TTC39C: variants seen among roughly 807,000 people sequenced by gnomAD.
The protein encoded by TTC39C is tetratricopeptide repeat domain 39C.
In TTC39C, 33 loss-of-function variants were observed where a neutral mutation model predicts 76.3. That is an observed-to-expected ratio of 0.43 (90% CI 0.33 to 0.58). TTC39C has a LOEUF of 0.58. Ranked by LOEUF, TTC39C falls within the 20% of genes least tolerant of loss-of-function variation. TTC39C has a pLI of 0.04. For synonymous variants in TTC39C, 254 were observed against 260.6 expected (o/e 0.97, Z 0.24); for missense variants, 595 against 701.4 (o/e 0.85, Z 1.71).
chr18:24,116,105 T>C (rs1685252), intron 7 of TTC39C, among the ~76,000 whole-genome samples: 1 of 152,220 alleles, frequency 6.6e-6, no homozygotes, highest in African/African-American at 2.4e-5. Context: ...TCCTGACTTA[T>C]TCCTGAGTTA....
chr18:24,001,499 CT>C (rs1220332683), intron 1 of TTC39C: 6 of 152,258 alleles, frequency 3.9e-5, no homozygotes, highest in African/African-American at 1.4e-4. Context: ...TGTCTTCCCC[CT>C]TGAGTCTTTG....
rs2085160501 is a variant in TTC39C, at chr18:24,133,446, GACAA to G, written c.*876_*879del. ...ATCTATTAGCCTAGTCTATAGATTA[GACAA>G]ACAGTATCTACATTTTAGGAGTTTA... On this transcript the variant is annotated 3_prime_UTR_variant, in exon 14 of 14. Transcript: ENST00000317571. 6.6e-6 allele frequency: 1 copy of G among 152,206 alleles called. No homozygotes were observed. Among genetic ancestry groups the G allele is most frequent in the South Asian group, 2.1e-4 (1 of 4,830 alleles). The allele number at this position is 152,206 out of a possible 1,614,324, so 9.4% of individuals were successfully genotyped here. A position where few individuals can be genotyped will look rare whatever the true frequency, so the allele number is the denominator to read the frequency against.
chr18:24,088,841 T>C (rs2145772453), intron 6 of TTC39C, among the ~76,000 whole-genome samples: 1 of 152,356 alleles, frequency 6.6e-6, no homozygotes, highest in South Asian at 2.1e-4. Flanking sequence ...CGAAGCTCTG[T>C]GTGAAAGACT....
chr18:24,081,420 G>A (rs920900229), intron 5 of TTC39C, among the ~76,000 whole-genome samples: 9 of 152,056 alleles, frequency 5.9e-5, no homozygotes, highest in African/African-American at 2.2e-4. Context: ...ATGTTCCTTG[G>A]TTTAAACTTA....
chr18:24,057,556 C>T (rs1299208184), intron 1 of TTC39C, among the ~76,000 whole-genome samples: 1 of 151,730 alleles, frequency 6.6e-6, no homozygotes, highest in Non-Finnish European at 1.5e-5. Context: ...TACATGGACT[C>T]ATCTAGGATA....
At chr18:24,085,883 T>A (rs1465605940) in intron 6 of TTC39C, among the ~76,000 whole-genome samples, 1 of 152,232 alleles carries the variant, frequency 6.6e-6, no homozygotes. Flanking sequence ...TAAGGCTAAC[T>A]TGAAATATGG....
At chr18:24,115,542 G>A (rs2084879926) in intron 7 of TTC39C, among the ~76,000 whole-genome samples, 2 of 152,216 alleles carry the variant, frequency 1.3e-5, no homozygotes, top group Admixed American at 1.3e-4. Flanking sequence ...ATAGTGATGA[G>A]ACTCCAAAGG....
At chr18:24,082,015 G>GTTTTTT (rs35218868) in intron 5 of TTC39C, among the ~76,000 whole-genome samples, 7 of 120,780 alleles carry the variant, frequency 5.8e-5, no homozygotes, top group Non-Finnish European at 1.0e-4. Context: ...TCTGGCTGTT[G>GTTTTTT]TTTTTTTTTT....
intron 6 of TTC39C, 136 bp downstream of exon 6, chr18:24,083,217 G>A: frequency 1.1e-6 from 1 of 910,922 alleles, no homozygotes; most frequent in Non-Finnish European, 1.6e-6. Flanking sequence ...CTTTCCTTGT[G>A]TCTTTGCTAG....
intron 1 of TTC39C, among the ~76,000 whole-genome samples, chr18:24,017,717 C>G (rs1450255019): frequency 6.6e-6 from 1 of 152,138 alleles, no homozygotes; most frequent in East Asian, 1.9e-4. Flanking sequence ...TGAGGAGCAC[C>G]CCCCTGGCTC....
chr18:24,104,721 T>TGTGTGA (rs1352635739), intron 6 of TTC39C, among the ~76,000 whole-genome samples: 2 of 150,622 alleles, frequency 1.3e-5, no homozygotes, highest in South Asian at 2.1e-4. Context: ...TGTGTGTGTG[T>TGTGTGA]GACTGTGCAT....
In TTC39C at chr18:24,019,246, G is replaced by A. The variant is rs149922355; in HGVS notation, c.167+4208G>A. On this transcript the variant is annotated intron_variant, in intron 1 of 13. Coordinates refer to ENST00000317571, the MANE Select transcript of TTC39C (RefSeq NM_001135993.2). ...TCTTGAGGTTACCAGCCCATCTCCCGCTTTAACTCTTGGCATTCTTTTTGA... is the reference window on the plus strand; with the variant it reads ...TCTTGAGGTTACCAGCCCATCTCCCACTTTAACTCTTGGCATTCTTTTTGA... Among the ~76,000 whole-genome samples the A allele has an allele frequency of 1.9e-3, 289 of 152,186 alleles. 2 individuals carry two copies. The highest frequency in any genetic ancestry group is 6.5e-3 in the African/African-American group (269 of 41,536).
chr18:24,066,036 GA>G lies in TTC39C; in HGVS notation c.247del (p.Met83CysfsTer8). The G allele has an allele frequency of 6.3e-7, 1 of 1,596,240 alleles. No homozygotes were observed. The highest frequency in any genetic ancestry group is 8.5e-7 in the Non-Finnish European group (1 of 1,174,110). On this transcript the variant is annotated frameshift_variant, in exon 3 of 14. Coordinates refer to ENST00000317571, the MANE Select transcript of TTC39C (RefSeq NM_001135993.2). LOFTEE classifies it high-confidence loss of function. The part of the protein sequence containing the change: ...FLNAMMTFEE[E>X]KMQLACDDLK... ...GAATGCCATGATGACATTTGAGGAA[GA>G]AAAAATGCAGTTGGCATGTGATGAC...
rs757504846 is a variant in TTC39C at position 24,090,020 on chromosome 18, C to T, written c.984+6939C>T. Among the ~76,000 whole-genome samples, 15 of 152,142 alleles carry T rather than the reference C, an allele frequency of 9.9e-5. 1 individual carries two copies. The highest frequency in any genetic ancestry group is 3.8e-4 in the East Asian group (2 of 5,206). ...GTAATCTTTATACATACGAGACTTT[C>T]TGCATTTTGTTTACAAATCTGATGT... On this transcript the variant is annotated intron_variant, in intron 6 of 13. Coordinates refer to ENST00000317571, the MANE Select transcript of TTC39C (RefSeq NM_001135993.2).
intron 10 of TTC39C, among the ~76,000 whole-genome samples, chr18:24,128,489 G>T (rs1281444314): frequency 6.6e-6 from 1 of 151,456 alleles, no homozygotes; most frequent in East Asian, 1.9e-4. Context: ...ATCTTTATTA[G>T]TCTTTGGAAA....
intron 6 of TTC39C, among the ~76,000 whole-genome samples, chr18:24,107,222 T>C (rs989918555): frequency 6.6e-6 from 1 of 152,148 alleles, no homozygotes; most frequent in African/African-American, 2.4e-5. Context: ...TTTAATCTCA[T>C]GTCTAGTTAG....
intron 1 of TTC39C, among the ~76,000 whole-genome samples, chr18:24,062,415 T>C (rs1325787169): frequency 6.6e-6 from 1 of 152,188 alleles, no homozygotes; most frequent in East Asian, 1.9e-4. Context: ...ACCTGCTATG[T>C]GTGTAAGGTG....
Position 24,031,462 on chromosome 18 carries a change from G to A in TTC39C, c.167+16424G>A, listed in dbSNP as rs543442747. Among the ~76,000 whole-genome samples the A allele has an allele frequency of 5.3e-5, 8 of 152,226 alleles. No individual in the cohort carries two copies. The South Asian group carries it at 1.5e-3, about 28-fold the overall frequency. Reference sequence around the variant, plus strand: ...AGTTTTCTAGCCCTGATCTTCTTCCGGGGCTCTCAGGCTCAGTGGACTGCA... The same window carrying A: ...AGTTTTCTAGCCCTGATCTTCTTCCAGGGCTCTCAGGCTCAGTGGACTGCA... On this transcript the variant is annotated intron_variant, in intron 1 of 13. Coordinates refer to ENST00000317571, the MANE Select transcript of TTC39C (RefSeq NM_001135993.2).
At chr18:24,113,370 C>T (rs907138273) in intron 6 of TTC39C, 2 of 577,122 alleles carry the variant, frequency 3.5e-6, no homozygotes, top group Non-Finnish European at 6.2e-6. Flanking sequence ...GGAGAGGAGC[C>T]CAGGTCTGCG....
Sources: allele counts gnomAD v4.1 joint callset (sites outside exome capture counted in the v4.1 genomes callset), GRCh38; gene constraint gnomAD v4.1.1; transcripts MANE v1.5; gene names NCBI Gene and HGNC (gene_info 2026-07-23, HGNC 2026-07-21).